PLEC: variants seen among roughly 807,000 people sequenced by gnomAD.
PLEC encodes plectin.
PLEC carries 216 observed loss-of-function variants against 392.8 expected under a neutral mutation model. The ratio of observed to expected loss-of-function variants is 0.55; its 90% CI spans 0.49 to 0.62. The LOEUF is 0.62. Among genes scored for constraint, PLEC ranks in the 20% least tolerant of loss-of-function variants. PLEC has a pLI of 0.00. For synonymous variants in PLEC, 3,621 were observed against 2,980.6 expected (o/e 1.21, Z -7.00); for missense variants, 6,863 against 6,563.4 (o/e 1.05, Z -1.58).
intron 18 of PLEC, 59 bp downstream of exon 18, chr8:143,931,878 C>G: frequency 6.7e-7 from 1 of 1,496,256 alleles, no homozygotes; most frequent in Non-Finnish European, 9.2e-7. Flanking sequence ...CCGAGGGGGT[C>G]CAGGGGCTCC....
chr8:143,927,563 C>A lies in PLEC; in HGVS notation c.3603G>T (p.Glu1201Asp). ...VLAQTDVRQR[E>D]LEQLGRQLRY... is the part of the protein sequence containing the mutation. ...GCAGCTGGCGGCCCAGTTGCTCGAG[C>A]TCGCGCTGCCGCACGTCGGTCTGGG... Residue 1201 changes from glutamate to aspartate, a missense_variant, in exon 27 of 32, where the codon GAG becomes GAT. Coordinates refer to ENST00000345136, the MANE Select transcript of PLEC (RefSeq NM_201384.3). 1 of 1,592,834 alleles carries A rather than the reference C, an allele frequency of 6.3e-7. No homozygotes were observed. Among genetic ancestry groups the A allele is most frequent in the Non-Finnish European group, 8.5e-7 (1 of 1,177,172 alleles).
At chr8:143,948,819 A>T (rs1831797327) in intron 1 of PLEC, among the ~76,000 whole-genome samples, 1 of 151,978 alleles carries the variant, frequency 6.6e-6, no homozygotes, top group Non-Finnish European at 1.5e-5. Flanking sequence ...GGAGTTGAGC[A>T]TGGGGAAGCT....
intron 19 of PLEC, among the ~76,000 whole-genome samples, chr8:143,930,921 TCC>T (rs1273644640): frequency 6.6e-6 from 1 of 151,692 alleles, no homozygotes; most frequent in Non-Finnish European, 1.5e-5. Context: ...CTGCCGGCTC[TCC>T]CCCCGGCCCA....
chr8:143,948,186 T>A (rs11136340), intron 1 of PLEC, among the ~76,000 whole-genome samples: 2 of 152,054 alleles, frequency 1.3e-5, no homozygotes, highest in Non-Finnish European at 1.5e-5. Flanking sequence ...GGGGCCTCAC[T>A]GCAGGGGTAC....
In PLEC at chr8:143,922,126, G is replaced by A. The variant is rs371579474; in HGVS notation, c.7695C>T (p.Gly2565=). 7.3e-5 allele frequency: 112 copies of A among 1,541,018 alleles called. No homozygotes were observed. Among genetic ancestry groups the A allele is most frequent in the South Asian group, 3.3e-4 (28 of 85,096 alleles). ...GCAGCTCCTCCTGCTTGCGCCGCAC[G>A]CCCTCCTCGGCCTCATGCTGCCGCC... ...ARRRQHEAEE[G]VRRKQEELQQ... The change falls in exon 32 of 32, where the codon GGC becomes GGT. Residue 2565 remains glycine, a synonymous_variant. Coordinates refer to ENST00000345136, the MANE Select transcript of PLEC (RefSeq NM_201384.3).
In PLEC at chr8:143,917,997, C is replaced by T. The variant is rs370908106; in HGVS notation, c.11824G>A (p.Ala3942Thr). 9.3e-5 allele frequency: 150 copies of T among 1,612,326 alleles called. No homozygotes were observed. Among genetic ancestry groups the T allele is most frequent in the Non-Finnish European group, 1.2e-4 (142 of 1,179,868 alleles). ...TACACCGAGAGCCGTTCCTTGGTGG[C>T]GTCCACGAAGACACCAGCGATGCAG... ...TSCIAGVFVDATKERLSVYQA... is the reference protein window; with the variant it reads ...TSCIAGVFVDTTKERLSVYQA... Residue 3942 changes from alanine (A) to threonine (T), a missense_variant, in exon 32 of 32, where the codon GCC becomes ACC. Ala to Thr is a moderately conservative substitution (Grantham distance 58). Coordinates refer to ENST00000345136, the MANE Select transcript of PLEC (RefSeq NM_201384.3).
At position 143,950,754 on chromosome 8, in the gene PLEC, G is replaced by C. The variant is rs1396126577; in HGVS notation, c.-48C>G. 14 of 1,538,250 alleles carry C rather than the reference G, an allele frequency of 9.1e-6. No individual in the cohort carries two copies. The African/African-American group carries it at 1.5e-4, about 16-fold the overall frequency. On this transcript the variant is annotated 5_prime_UTR_variant, in exon 1 of 32. Transcript: ENST00000322810. ...GTGCGGGGGCAAAGGCAGCAGGCAG[G>C]GTACCACGAGAAGGCCCGGGGCGCT...
intron 1 of PLEC, among the ~76,000 whole-genome samples, chr8:143,968,106 TGACAGAGCGA>T (rs1281315389): frequency 6.7e-5 from 10 of 149,128 alleles, no homozygotes; most frequent in Admixed American, 2.0e-4. Context: ...CCAGCCTGGG[TGACAGAGCGA>T]GACAGAGCGA....
rs1554714234 is a variant in PLEC, at chr8:143,930,552, A to G, written c.2305-16T>C. 12 of 1,576,352 alleles carry G rather than the reference A, an allele frequency of 7.6e-6. No individual in the cohort carries two copies. The highest frequency in any genetic ancestry group is 1.8e-5 in the Admixed American group (1 of 55,420). ...CCTTCTCGTCCTGTGGGGGAGGGGC[A>G]GCATCCAGACGAGGGCCATGGAGAC... On this transcript the variant is annotated splice_polypyrimidine_tract_variant and intron_variant, in intron 19 of 31. Transcript: ENST00000345136.
chr8:143,954,483 G>A (rs905279200), upstream of PLEC, among the ~76,000 whole-genome samples: 1 of 152,192 alleles, frequency 6.6e-6, no homozygotes, highest in East Asian at 1.9e-4. The surrounding 1 kb of genome is among the most constrained non-coding windows in gnomAD (Gnocchi z 4.6). Context: ...TCCTGGCTGC[G>A]CCCCCCAGTC....
Position 143,929,266 on chromosome 8 carries a change from C to T in PLEC, c.3097G>A (p.Val1033Met), listed in dbSNP as rs1554710577. ...IAEQQKAQAE[V>M]EGLGKGVARL... The stretch of plus-strand genomic sequence containing the variant: ...GCGACCCCCTTGCCCAGCCCCTCCA[C>T]CTCTGCCTGTGCCTTCTGCAAAGAC... Residue 1033 changes from valine (V) to methionine (M), a missense_variant, in exon 25 of 32, where the codon GTG becomes ATG. Coordinates refer to ENST00000345136, the MANE Select transcript of PLEC (RefSeq NM_201384.3). The T allele has an allele frequency of 1.2e-6, 2 of 1,601,144 alleles. No homozygotes were observed. Among genetic ancestry groups the T allele is most frequent in the Admixed American group, 3.3e-5 (2 of 59,912 alleles).
chr8:143,925,119 C>T lies in PLEC; in HGVS notation c.4810G>A (p.Ala1604Thr). Residue 1604 changes from alanine to threonine, a missense_variant, in exon 31 of 32, where the codon GCA becomes ACA. Coordinates refer to ENST00000345136, the MANE Select transcript of PLEC (RefSeq NM_201384.3). ...RSLQEEHVAV[A>T]QLREEAERRA... The stretch of plus-strand genomic sequence containing the variant: ...CGCTCAGCCTCCTCCCGCAGCTGTG[C>T]CACAGCCACGTGTTCCTCCTGCAGG... 6.4e-7 allele frequency: 1 copy of T among 1,557,322 alleles called. No homozygotes were observed. Among genetic ancestry groups the T allele is most frequent in the South Asian group, 1.2e-5 (1 of 86,000 alleles).
chr8:143,976,186 T>G (rs1349141589), upstream of PLEC, among the ~76,000 whole-genome samples: 12 of 151,952 alleles, frequency 7.9e-5, no homozygotes, highest in Non-Finnish European at 1.3e-4. Flanking sequence ...CGGCCCACAG[T>G]GGGGGCGCGT....
At position 143,918,235 on chromosome 8, in the gene PLEC, C is replaced by T. The variant is rs1554674502; in HGVS notation, c.11586G>A (p.Arg3862=). ...DERLSYTQLL[R]RCRRDDGTGQ... is the part of the protein sequence containing the mutation. ...CGGTGCCGTCGTCACGACGGCACCG[C>T]CTGAGCAGCTGCGTGTAGCTGAGGC... Residue 3862 remains arginine (R), a synonymous_variant, in exon 32 of 32, where the codon AGG becomes AGA. Transcript: ENST00000345136. The T allele has an allele frequency of 6.3e-7, 1 of 1,587,112 alleles. No homozygotes were observed. The highest frequency in any genetic ancestry group is 8.5e-7 in the Non-Finnish European group (1 of 1,173,668).
Position 143,934,881 on chromosome 8 carries a change from G to A in PLEC, c.874C>T (p.Leu292Phe). Residue 292 changes from leucine (L) to phenylalanine (F), a missense_variant, in exon 9 of 32, where the codon CTT (leucine) becomes TTT (phenylalanine). Transcript: ENST00000345136. ...QEYRELVLLL[L>F]QWMRHHTAAF... ...GCCGTGTGGTGTCGCATCCACTGAAGCAGCAGCAGCACCAGCTCCCGGTAC... is the reference window on the plus strand; with the variant it reads ...GCCGTGTGGTGTCGCATCCACTGAAACAGCAGCAGCACCAGCTCCCGGTAC... 6.2e-7 allele frequency: 1 copy of A among 1,611,212 alleles called. No homozygotes were observed. The highest frequency in any genetic ancestry group is 1.1e-5 in the South Asian group (1 of 91,062).
At chr8:143,946,390 C>G (rs1554732229) in intron 1 of PLEC, 1 of 1,288,904 alleles carries the variant, frequency 7.8e-7, no homozygotes. Flanking sequence ...TGTACCTGTC[C>G]ATGGCTGCCA....
intron 17 of PLEC, 46 bp from the exon 18 acceptor site, chr8:143,932,078 G>C (rs1204332420): frequency 6.4e-7 from 1 of 1,562,948 alleles, no homozygotes; most frequent in East Asian, 2.3e-5. Context: ...GCCCCGCCTG[G>C]GGACCCGGCA....
chr8:143,919,638 T>C lies in PLEC; in HGVS notation c.10183A>G (p.Thr3395Ala), dbSNP rs113792813. The C allele has an allele frequency of 3.0e-5, 48 of 1,584,514 alleles. No individual in the cohort carries two copies. The South Asian group carries it at 5.2e-4, about 17-fold the overall frequency. Residue 3395 changes from threonine to alanine, a missense_variant, in exon 32 of 32, where the codon ACT becomes GCT. Coordinates refer to ENST00000345136, the MANE Select transcript of PLEC (RefSeq NM_201384.3). ...CGCACGGGGTCCACCAGGAAGCCAG[T>C]GGCCGCCTGCGCCTCCAGCAGGAGC... ...AALLLEAQAA[T>A]GFLVDPVRNQ...
In PLEC at chr8:143,950,299, C is replaced by T. The variant is rs562609259; in HGVS notation, c.408G>A (p.Glu136=). 5.1e-6 allele frequency: 8 copies of T among 1,571,270 alleles called. No homozygotes were observed. The East Asian group carries it at 1.4e-4, about 28-fold the overall frequency. ...GCTCCTTCCGACGGTAGACCCGCTG[C>T]TCCTCCGTCGGCAGCGGCCCCCGCT... The change falls in exon 1 of 32, where the codon GAG becomes GAA. Residue 136 remains glutamate (E), a synonymous_variant. Coordinates refer to the PLEC transcript ENST00000322810.
Sources: allele counts gnomAD v4.1 joint callset (sites outside exome capture counted in the v4.1 genomes callset), GRCh38; gene constraint gnomAD v4.1.1; non-coding constraint Gnocchi (gnomAD v3.1); transcripts MANE v1.5; gene names NCBI Gene and HGNC (gene_info 2026-07-23, HGNC 2026-07-21).